Variants in RANBP2 observed in about 807,000 individuals in gnomAD.
RANBP2 encodes the protein RAN binding protein 2.
Under a neutral mutation model 303.6 loss-of-function variants are expected in RANBP2, and 57 were observed. The ratio of observed to expected loss-of-function variants is 0.19; its 90% CI spans 0.15 to 0.23. The LOEUF (loss-of-function observed/expected upper bound fraction) is 0.23, where lower values mean the gene tolerates loss of function less well. Ranked by LOEUF, RANBP2 falls within the 10% of genes least tolerant of loss-of-function variation. The probability of loss-of-function intolerance (pLI) is 1.00; values close to 1 mark genes in which losing one functional copy is unlikely to be tolerated. For missense variants in RANBP2, 3,138 were observed against 3,780.8 expected (o/e 0.83, Z 4.46); for synonymous variants, 1,167 against 1,301.5 (o/e 0.90, Z 2.23).
chr2:108,966,840 A>G, the RANBP2 span, among the ~76,000 whole-genome samples: 1 of 152,210 alleles, frequency 6.6e-6, no homozygotes, highest in African/African-American at 2.4e-5. Context: ...ACTGCTGAGT[A>G]GGACAAACAA....
the RANBP2 span, among the ~76,000 whole-genome samples, chr2:109,683,752 C>A: frequency 6.6e-6 from 1 of 152,136 alleles, no homozygotes; most frequent in Non-Finnish European, 1.5e-5. Flanking sequence ...ACTCTCCACC[C>A]GACCTTTTGT....
the RANBP2 span, among the ~76,000 whole-genome samples, chr2:109,149,585 C>G: frequency 6.6e-6 from 1 of 152,272 alleles, no homozygotes; most frequent in Non-Finnish European, 1.5e-5. Flanking sequence ...CTGGGTCTTG[C>G]ATGCAAGGTC....
the RANBP2 span, chr2:109,419,631 G>T: frequency 5.1e-6 from 8 of 1,579,568 alleles, no homozygotes; most frequent in Non-Finnish European, 6.9e-6. Context: ...AGGTCCAGCT[G>T]CCCCTCAACG....
At chr2:109,534,631 T>C in the RANBP2 span, among the ~76,000 whole-genome samples, 1 of 151,952 alleles carries the variant, frequency 6.6e-6, no homozygotes, top group Admixed American at 6.6e-5. Context: ...AACACAAAAA[T>C]TAGCTGGGCG....
At chr2:108,919,484 G>T in the RANBP2 span, among the ~76,000 whole-genome samples, 3 of 152,028 alleles carry the variant, frequency 2.0e-5, no homozygotes, top group Non-Finnish European at 4.4e-5. Flanking sequence ...TCAGCCTCCC[G>T]AGTAGCTGGG....
the RANBP2 span, among the ~76,000 whole-genome samples, chr2:109,262,597 A>C: frequency 6.6e-6 from 1 of 152,204 alleles, no homozygotes; most frequent in African/African-American, 2.4e-5. Context: ...GAAGCTGAGA[A>C]ATGAAAGAGC....
At chr2:109,401,605 C>T in the RANBP2 span, among the ~76,000 whole-genome samples, 1 of 152,216 alleles carries the variant, frequency 6.6e-6, no homozygotes, top group Non-Finnish European at 1.5e-5. Flanking sequence ...AAGGAGCCCA[C>T]AGGGCCCATG....
the RANBP2 span, among the ~76,000 whole-genome samples, chr2:109,380,945 T>A: frequency 6.6e-6 from 1 of 152,266 alleles, no homozygotes. Context: ...AGAAGCTGCA[T>A]GCATGTAGAC....
At chr2:108,845,212 C>T in the RANBP2 span, among the ~76,000 whole-genome samples, 3 of 151,940 alleles carry the variant, frequency 2.0e-5, no homozygotes, top group Admixed American at 6.6e-5. Flanking sequence ...GGTTTAAAAA[C>T]ATGTATTTTT....
chr2:109,442,165 G>C, the RANBP2 span, among the ~76,000 whole-genome samples: 1 of 152,022 alleles, frequency 6.6e-6, no homozygotes, highest in Non-Finnish European at 1.5e-5. Context: ...CAAAAAATTA[G>C]CCAGGCGTGT....
the RANBP2 span, among the ~76,000 whole-genome samples, chr2:109,717,049 A>G: frequency 6.6e-5 from 10 of 152,298 alleles, no homozygotes; most frequent in East Asian, 1.7e-3. Flanking sequence ...GACAAGAAAA[A>G]GAAGTAAAAG....
chr2:109,315,600 T>C, the RANBP2 span, among the ~76,000 whole-genome samples: 1 of 152,238 alleles, frequency 6.6e-6, no homozygotes, highest in African/African-American at 2.4e-5. Context: ...TTTCAGAAAC[T>C]GTCAGTGATG....
At chr2:109,109,487 G>C in the RANBP2 span, among the ~76,000 whole-genome samples, 3 of 152,230 alleles carry the variant, frequency 2.0e-5, no homozygotes, top group African/African-American at 7.2e-5. Context: ...GTATAGGCAA[G>C]TGATTACTTA....
the RANBP2 span, among the ~76,000 whole-genome samples, chr2:109,017,058 T>C: frequency 1.3e-5 from 2 of 152,234 alleles, no homozygotes; most frequent in Non-Finnish European, 1.5e-5. Context: ...TATATAGTTG[T>C]TCTGAATGTG....
At chr2:109,020,225 G>A in the RANBP2 span, among the ~76,000 whole-genome samples, 14 of 152,146 alleles carry the variant, frequency 9.2e-5, no homozygotes, top group African/African-American at 2.9e-4. Flanking sequence ...CAGGAGCAGC[G>A]CACACAGGCA....
the RANBP2 span, among the ~76,000 whole-genome samples, chr2:108,963,478 A>C: frequency 6.6e-5 from 10 of 152,186 alleles, no homozygotes; most frequent in Non-Finnish European, 4.4e-5. Context: ...TGTAAGAGAT[A>C]ATACAGAGAG....
At chr2:108,944,571 A>C in the RANBP2 span, among the ~76,000 whole-genome samples, 1 of 152,092 alleles carries the variant, frequency 6.6e-6, no homozygotes, top group Admixed American at 6.5e-5. Flanking sequence ...GCTCCTTCAC[A>C]AGCAGACCTG....
the RANBP2 span, among the ~76,000 whole-genome samples, chr2:109,405,121 C>G: frequency 1.3e-5 from 2 of 152,032 alleles, no homozygotes; most frequent in Non-Finnish European, 2.9e-5. Flanking sequence ...CTCCAGAACC[C>G]CAGCCAACGT....
In RANBP2 at chr2:108,764,939, C is replaced by T. The variant is rs146136785; in HGVS notation, c.4400C>T (p.Pro1467Leu). ...FKFGQGDLPK[P>L]INSDFRSVFS... ...TTTGGCCAGGGAGATCTTCCTAAAC[C>T]TATTAACAGTGATTTCAGATCTGTT... The change falls in exon 20 of 29, where the codon CCT becomes CTT. Residue 1467 changes from proline (P) to leucine (L), a missense_variant. By Grantham distance (98) the Pro-to-Leu change is moderately conservative. This residue lies in a region of RANBP2 where 388 missense variants were observed against 328.5 expected (regional missense o/e 1.18). Coordinates refer to ENST00000283195, the MANE Select transcript of RANBP2 (RefSeq NM_006267.5). 34 of 1,614,000 alleles carry T rather than the reference C, an allele frequency of 2.1e-5. No homozygotes were observed. In the Admixed American group the frequency reaches 3.8e-4, roughly 18 times the overall value.
Sources: gnomAD v4.1 joint callset for allele counts (sites outside exome capture counted in the v4.1 genomes callset) on GRCh38, gnomAD v4.1.1 for gene constraint, gnomAD v4.1.1 regional missense constraint, MANE v1.5 for transcripts, NCBI Gene and HGNC (gene_info 2026-07-23, HGNC 2026-07-21) for gene names.